The following SHISA9 variants were observed in gnomAD, a reference collection of about 807,000 sequenced individuals.
SHISA9 encodes the protein shisa family member 9.
In SHISA9, 13 loss-of-function variants were observed where a neutral mutation model predicts 38.0. The ratio of observed to expected loss-of-function variants is 0.34; its 90% CI spans 0.22 to 0.54. The LOEUF (loss-of-function observed/expected upper bound fraction) is 0.54. Among genes scored for constraint, SHISA9 ranks in the 20% least tolerant of loss-of-function variants. SHISA9 has a pLI of 0.91. For synonymous variants in SHISA9, 275 were observed against 242.0 expected (o/e 1.14, Z -1.27); for missense variants, 538 against 575.8 (o/e 0.93, Z 0.67).
chr16:13,385,757 G>A, the SHISA9 span, among the ~76,000 whole-genome samples: 1 of 138,846 alleles, frequency 7.2e-6, no homozygotes, highest in Middle Eastern at 3.9e-3. Context: ...CCATGAAATA[G>A]TACTCAGCAA....
chr16:12,992,188 CCTTGT>C (rs2072395649), intron 2 of SHISA9, among the ~76,000 whole-genome samples: 1 of 151,592 alleles, frequency 6.6e-6, no homozygotes, highest in South Asian at 2.1e-4. Context: ...TTCTTAACAC[CCTTGT>C]CTTCAGACAA....
At chr16:13,009,032 A>G (rs933210940) in intron 2 of SHISA9, among the ~76,000 whole-genome samples, 1 of 152,090 alleles carries the variant, frequency 6.6e-6, no homozygotes, top group African/African-American at 2.4e-5. Context: ...GAGAGTGACA[A>G]AAGTTAGCAC....
At chr16:13,458,789 A>G in the SHISA9 span, 3 of 186,670 alleles carry the variant, frequency 1.6e-5, no homozygotes, top group Non-Finnish European at 3.4e-5. Flanking sequence ...ACTGAATGTA[A>G]ACATTTAATA....
At chr16:13,307,189 C>T in the SHISA9 span, among the ~76,000 whole-genome samples, 1 of 152,210 alleles carries the variant, frequency 6.6e-6, no homozygotes, top group Non-Finnish European at 1.5e-5. Flanking sequence ...ATAGCACTTA[C>T]ATATCCCAGA....
intron 4 of SHISA9, among the ~76,000 whole-genome samples, chr16:13,216,112 G>A (rs1298199797): frequency 6.6e-6 from 1 of 150,650 alleles, no homozygotes; most frequent in African/African-American, 2.5e-5. Flanking sequence ...GCTTGAATCC[G>A]GGAGATGGAG....
At chr16:12,928,236 T>C (rs760497501) in intron 2 of SHISA9, among the ~76,000 whole-genome samples, 6 of 152,120 alleles carry the variant, frequency 3.9e-5, no homozygotes, top group Non-Finnish European at 7.4e-5. Flanking sequence ...TTTGGTTCTT[T>C]TCTTAATGAA....
chr16:13,303,130 C>T, the SHISA9 span, among the ~76,000 whole-genome samples: 14 of 152,120 alleles, frequency 9.2e-5, no homozygotes, highest in Admixed American at 9.2e-4. Flanking sequence ...AGATTTAAAG[C>T]ATTTGTGTTA....
At chr16:13,291,138 A>C in the SHISA9 span, among the ~76,000 whole-genome samples, 3 of 152,268 alleles carry the variant, frequency 2.0e-5, no homozygotes, top group Admixed American at 6.5e-5. Flanking sequence ...TTCATTCTTC[A>C]CTGGGCTGGA....
At chr16:13,499,487 A>T in the SHISA9 span, among the ~76,000 whole-genome samples, 1 of 152,232 alleles carries the variant, frequency 6.6e-6, no homozygotes, top group Non-Finnish European at 1.5e-5. Context: ...GAGTACATAG[A>T]GAGAAAAAGA....
At chr16:12,905,823 A>G (rs1455810959) in intron 1 of SHISA9, among the ~76,000 whole-genome samples, 2 of 151,398 alleles carry the variant, frequency 1.3e-5, no homozygotes, top group African/African-American at 2.4e-5. Context: ...CTGGTCTCGA[A>G]CTCCTGACCT....
chr16:13,153,651 G>A (rs886432159), intron 2 of SHISA9, among the ~76,000 whole-genome samples: 10 of 152,104 alleles, frequency 6.6e-5, no homozygotes, highest in Admixed American at 6.5e-5. Context: ...TACAAGCTCC[G>A]GCAAGCAGAG....
In SHISA9 at chr16:13,012,579, C is replaced by A. The variant is rs977248362; in HGVS notation, c.691+95764C>A. Among the ~76,000 whole-genome samples, 17 of 152,120 alleles carry A rather than the reference C, an allele frequency of 1.1e-4. 1 individual carries two copies. Among genetic ancestry groups the A allele is most frequent in the African/African-American group, 3.9e-4 (16 of 41,404 alleles). On this transcript the variant is annotated intron_variant, in intron 2 of 4. Transcript: ENST00000558583. ...TAAATAATGAGAAACTTCTGGTACC[C>A]TGGTACTAAACAAGCTACCTTCTAC...
At chr16:13,030,584 C>G (rs773801092) in intron 2 of SHISA9, among the ~76,000 whole-genome samples, 8 of 152,174 alleles carry the variant, frequency 5.3e-5, no homozygotes, top group African/African-American at 1.9e-4. Flanking sequence ...TCTTAGGGAA[C>G]TCAACCTGAG....
chr16:13,187,455 C>T (rs12929986), intron 2 of SHISA9, among the ~76,000 whole-genome samples: 1 of 151,508 alleles, frequency 6.6e-6, no homozygotes, highest in Non-Finnish European at 1.5e-5. Context: ...CTGTCTCAGC[C>T]TCCTGAATAG....
chr16:13,532,932 T>C, the SHISA9 span, among the ~76,000 whole-genome samples: 1 of 152,158 alleles, frequency 6.6e-6, no homozygotes, highest in Non-Finnish European at 1.5e-5. Context: ...TTCTCAGGTC[T>C]TTTGCCCCCT....
At chr16:13,443,481 A>T in the SHISA9 span, among the ~76,000 whole-genome samples, 2 of 152,188 alleles carry the variant, frequency 1.3e-5, no homozygotes, top group Non-Finnish European at 2.9e-5. Flanking sequence ...CTGAGATAAG[A>T]TCTTAGGAAG....
the SHISA9 span, among the ~76,000 whole-genome samples, chr16:13,346,395 A>G: frequency 6.6e-6 from 1 of 152,210 alleles, no homozygotes; most frequent in Non-Finnish European, 1.5e-5. Flanking sequence ...TTTCCTGAAG[A>G]CTAGGCCAGA....
intron 2 of SHISA9, among the ~76,000 whole-genome samples, chr16:13,088,564 C>T (rs898695545): frequency 1.3e-5 from 2 of 152,108 alleles, no homozygotes; most frequent in African/African-American, 2.4e-5. Flanking sequence ...GTATTTTATT[C>T]TCTTTGTAGC....
the SHISA9 span, among the ~76,000 whole-genome samples, chr16:13,371,177 C>G: frequency 6.6e-6 from 1 of 152,172 alleles, no homozygotes; most frequent in Non-Finnish European, 1.5e-5. Flanking sequence ...TACAAAGCTA[C>G]TATGTAGCAG....
Sources: gnomAD v4.1 joint callset for allele counts (sites outside exome capture counted in the v4.1 genomes callset) on GRCh38, gnomAD v4.1.1 for gene constraint, MANE v1.5 for transcripts, NCBI Gene and HGNC (gene_info 2026-07-23, HGNC 2026-07-21) for gene names.